COL15A1: variants seen among roughly 807,000 people sequenced by gnomAD.
COL15A1 encodes collagen alpha-1(XV) chain.
In COL15A1, 111 loss-of-function variants were observed where a neutral mutation model predicts 165.9. The observed-to-expected ratio is 0.67, with a 90% CI of 0.57 to 0.78. The LOEUF is 0.78. Ranked by LOEUF, COL15A1 falls within the 30% of genes least tolerant of loss-of-function variation. The pLI, the probability that COL15A1 is intolerant of heterozygous loss-of-function variation, is 0.00. For synonymous variants in COL15A1, 659 were observed against 674.8 expected, an observed-to-expected ratio of 0.98 and a Z score of 0.36; for missense variants, 1,745 against 1,789.7, an observed-to-expected ratio of 0.98 and a Z score of 0.45.
intron 41 of COL15A1, 105 bp downstream of exon 41, chr9:99,068,775 A>G: frequency 2.8e-6 from 2 of 703,780 alleles, no homozygotes; most frequent in East Asian, 3.2e-5. Flanking sequence ...TATTGCCAAC[A>G]TAAAGCCACA....
chr9:99,060,908 A>G lies in COL15A1; in HGVS notation c.3402+955A>G, dbSNP rs146486267. Among the ~76,000 whole-genome samples, 364 of 152,266 alleles carry G rather than the reference A, an allele frequency of 2.4e-3. 3 individuals are homozygous for G. The highest frequency in any genetic ancestry group is 8.5e-3 in the African/African-American group (355 of 41,550). Reference sequence around the variant, plus strand: ...AAAAAAAAGAAAAAACAAAACAACAAAAGCCCAAGAGCATAAACAATGTTA... The same window carrying G: ...AAAAAAAAGAAAAAACAAAACAACAGAAGCCCAAGAGCATAAACAATGTTA... On this transcript the variant is annotated intron_variant, in intron 36 of 41. Transcript: ENST00000375001.
chr9:99,052,782 T>C (rs1839613278), intron 31 of COL15A1, among the ~76,000 whole-genome samples: 1 of 152,220 alleles, frequency 6.6e-6, no homozygotes, highest in African/African-American at 2.4e-5. Flanking sequence ...GCGCTGTTCC[T>C]GCCTCTCAGG....
At position 99,036,389 on chromosome 9, in the gene COL15A1, T is replaced by C. The variant is rs1839302864; in HGVS notation, c.2402T>C (p.Leu801Ser). The change falls in exon 21 of 42, where the codon TTG (leucine) becomes TCG (serine). Residue 801 changes from leucine (L) to serine (S), a missense_variant. Leu to Ser is a moderately radical substitution (Grantham distance 145, BLOSUM62 -2). Coordinates refer to ENST00000375001, the MANE Select transcript of COL15A1 (RefSeq NM_001855.5). ...PRGPPGHIKV[L>S]SNSLINITHG... ...GGGCCACCTGGGCACATCAAGGTCT[T>C]GTCTAATGTGAGTATCATTCAGGTC... The C allele has an allele frequency of 1.2e-6, 2 of 1,614,044 alleles. No individual in the cohort carries two copies. The highest frequency in any genetic ancestry group is 2.2e-5 in the South Asian group (2 of 91,086).
chr9:99,067,010 T>C lies in COL15A1; in HGVS notation c.3780T>C (p.Asp1260=), dbSNP rs920129123. 3.1e-6 allele frequency: 5 copies of C among 1,614,094 alleles called. No individual in the cohort carries two copies. Among genetic ancestry groups the C allele is most frequent in the Non-Finnish European group, 4.2e-6 (5 of 1,180,036 alleles). The change falls in exon 40 of 42, where the codon GAT becomes GAC. Residue 1260 remains aspartate (D), a synonymous_variant. Coordinates refer to ENST00000375001, the MANE Select transcript of COL15A1 (RefSeq NM_001855.5). ...CATTCTTATCTTCCCATTTGCAAGA[T>C]CTGTCCACCATTGTGAGGAAAGCAG... The part of the protein sequence containing the change: ...YRAFLSSHLQ[D]LSTIVRKAER...
At position 99,028,473 on chromosome 9, in the gene COL15A1, GA is replaced by G. The variant is rs574752053; in HGVS notation, c.2043+2509del. Among the ~76,000 whole-genome samples, 6 of 152,044 alleles carry G rather than the reference GA, an allele frequency of 3.9e-5. No individual in the cohort carries two copies. The South Asian group carries it at 8.3e-4, about 21-fold the overall frequency. On this transcript the variant is annotated intron_variant, in intron 16 of 41. Coordinates refer to ENST00000375001, the MANE Select transcript of COL15A1 (RefSeq NM_001855.5). ...CAAGACCAGCCTGACCAACATGGTG[GA>G]ACTTCGTCTCTACTAAAAATACAAA... is the stretch of plus-strand genomic sequence containing the variant.
chr9:99,003,347 C>T (rs1315870342), intron 7 of COL15A1, 106 bp from the exon 8 acceptor site: 1 of 855,898 alleles, frequency 1.2e-6, no homozygotes, highest in Non-Finnish European at 1.7e-6. Context: ...AAAGAAGCTA[C>T]AGAAATGCAG....
At chr9:99,021,900 G>T (rs992015916) in intron 12 of COL15A1, among the ~76,000 whole-genome samples, 191 bp from the exon 13 acceptor site, 1 of 152,212 alleles carries the variant, frequency 6.6e-6, no homozygotes, top group Non-Finnish European at 1.5e-5. Context: ...TCCAAGTATG[G>T]CACAGAAACA....
chr9:98,986,215 C>A lies in COL15A1; in HGVS notation c.648+103C>A, dbSNP rs1382926613. The stretch of plus-strand genomic sequence containing the variant: ...ATTGTTATTATTTTATTCTTATGTC[C>A]TCAAAGAAGCATGCGTGTTATGATG... On this transcript the variant is annotated intron_variant, in intron 3 of 41. Transcript: ENST00000375001. The A allele has an allele frequency of 5.4e-6, 5 of 925,928 alleles. No individual in the cohort carries two copies. In the African/African-American group the frequency reaches 6.7e-5, roughly 12 times the overall value. The allele number at this position is 925,928 out of a possible 1,614,324, so 57.4% of individuals were successfully genotyped here. A position where few individuals can be genotyped will look rare whatever the true frequency, so the allele number is the denominator to read the frequency against.
intron 38 of COL15A1, 140 bp from the exon 39 acceptor site, chr9:99,062,910 A>T: frequency 1.0e-6 from 1 of 955,814 alleles, no homozygotes; most frequent in Non-Finnish European, 1.5e-6. Context: ...AACTCTTTAC[A>T]GTTAAGAGTC....
chr9:98,968,190 G>A (rs1204300188), intron 2 of COL15A1, among the ~76,000 whole-genome samples: 1 of 152,234 alleles, frequency 6.6e-6, no homozygotes, highest in Non-Finnish European at 1.5e-5. Context: ...GTTACTGTGA[G>A]TATTGGATGA....
chr9:99,054,986 C>A, intron 32 of COL15A1, 116 bp from the exon 33 acceptor site: 1 of 912,806 alleles, frequency 1.1e-6, no homozygotes, highest in South Asian at 1.4e-5. Context: ...CTCTGTTAGC[C>A]AACCCAGTGC....
intron 39 of COL15A1, among the ~76,000 whole-genome samples, chr9:99,064,438 C>T (rs1825863618): frequency 6.6e-6 from 1 of 152,136 alleles, no homozygotes; most frequent in Non-Finnish European, 1.5e-5. Context: ...TGGAGGAAAC[C>T]TGAGTGGAGA....
chr9:99,017,759 A>G (rs1564058901), intron 11 of COL15A1, among the ~76,000 whole-genome samples: 1 of 152,038 alleles, frequency 6.6e-6, no homozygotes, highest in Non-Finnish European at 1.5e-5. Flanking sequence ...CCAAGTTCAA[A>G]TCTCCCTAGT....
At chr9:98,966,120 G>T (rs1015679553) in intron 2 of COL15A1, among the ~76,000 whole-genome samples, 1 of 152,206 alleles carries the variant, frequency 6.6e-6, no homozygotes, top group Non-Finnish European at 1.5e-5. Context: ...GGAGGGAAGA[G>T]AGAGGACCAT....
chr9:99,033,607 C>T (rs1839245414), intron 16 of COL15A1, among the ~76,000 whole-genome samples: 1 of 152,262 alleles, frequency 6.6e-6, no homozygotes, highest in African/African-American at 2.4e-5. Flanking sequence ...TTTAATGCCA[C>T]TCCCCATCTT....
chr9:98,964,490 T>C (rs893784648), intron 2 of COL15A1, among the ~76,000 whole-genome samples: 6 of 152,220 alleles, frequency 3.9e-5, no homozygotes, highest in Non-Finnish European at 5.9e-5. Context: ...TTTGCACAAC[T>C]GAGCAGGAAA....
rs543473587 is a variant in COL15A1, at chr9:98,968,727, A to G, written c.101-16838A>G. ...GTCACCACTGAACCCACTTTAGGGA[A>G]CACAGGCTATTATCATTATTAAGTT... On this transcript the variant is annotated intron_variant, in intron 2 of 41. Coordinates refer to ENST00000375001, the MANE Select transcript of COL15A1 (RefSeq NM_001855.5). Among the ~76,000 whole-genome samples, 3 of 152,294 alleles carry G rather than the reference A, an allele frequency of 2.0e-5. No homozygotes were observed. In the East Asian group the frequency reaches 5.8e-4, roughly 29 times the overall value.
rs777248323 is a variant in COL15A1 at position 99,069,878 on chromosome 9, A to G, written c.4159A>G (p.Arg1387Gly). The G allele has an allele frequency of 9.9e-6, 16 of 1,609,098 alleles. No homozygotes were observed. The highest frequency in any genetic ancestry group is 1.6e-4 in the Middle Eastern group (1 of 6,070). The part of the protein sequence containing the change: ...CIENSFMTDA[R>G]K ...CGAAAACAGTTTCATGACAGACGCT[A>G]GGAAGTAATGGCCTTCTGATGATTC... The change falls in exon 42 of 42, where the codon AGG becomes GGG. Residue 1387 changes from arginine to glycine, a missense_variant. Coordinates refer to ENST00000375001, the MANE Select transcript of COL15A1 (RefSeq NM_001855.5).
Position 99,070,684 on chromosome 9 carries a change from C to A in COL15A1, c.*798C>A. On this transcript the variant is annotated 3_prime_UTR_variant, in exon 42 of 42. Transcript: ENST00000375001. ...TAACTGCGACTGAAACAAACAGGTT[C>A]ATAGAGATGAATTTTCTGAGAAACA... is the stretch of plus-strand genomic sequence containing the variant. 1 of 441,052 alleles carries A rather than the reference C, an allele frequency of 2.3e-6. No homozygotes were observed. Among genetic ancestry groups the A allele is most frequent in the Non-Finnish European group, 4.5e-6 (1 of 221,424 alleles). 27.3% of individuals were successfully genotyped at this position (441,052 alleles called of 1,614,324 possible).
Sources: gnomAD v4.1 joint callset for allele counts (sites outside exome capture counted in the v4.1 genomes callset) on GRCh38, gnomAD v4.1.1 for gene constraint, MANE v1.5 for transcripts, NCBI Gene and HGNC (gene_info 2026-07-23, HGNC 2026-07-21) for gene names.